Variants in SPON1 observed in about 807,000 individuals in gnomAD.
The protein encoded by SPON1 is spondin-1.
A neutral mutation model predicts 111.7 loss-of-function variants in SPON1; 52 were observed. That is an observed-to-expected ratio of 0.47 (90% CI 0.37 to 0.59). The LOEUF (loss-of-function observed/expected upper bound fraction) is 0.59. Ranked by LOEUF, SPON1 falls within the 20% of genes least tolerant of loss-of-function variation. The probability of loss-of-function intolerance (pLI) is 0.00; values close to 1 mark genes in which losing one functional copy is unlikely to be tolerated. For missense variants in SPON1, 957 were observed against 1,068.5 expected (o/e 0.90, Z 1.46); for synonymous variants, 410 against 395.8 (o/e 1.04, Z -0.43).
intron 1 of SPON1, among the ~76,000 whole-genome samples, chr11:13,976,669 T>G (rs1258991609): frequency 1.3e-5 from 2 of 152,200 alleles, no homozygotes; most frequent in African/African-American, 2.4e-5. Context: ...TATTTATCAT[T>G]CAGAAACATT....
At position 14,171,448 on chromosome 11, in the gene SPON1, G is replaced by C. The variant is rs1305924037; in HGVS notation, c.825+35880G>C. ...TGATCTTTTCAAAAAACCACCTCCTGGATTCATGGATTTTTTGAAGGGTTT... is the reference window on the plus strand; with the variant it reads ...TGATCTTTTCAAAAAACCACCTCCTCGATTCATGGATTTTTTGAAGGGTTT... On this transcript the variant is annotated intron_variant, in intron 6 of 15. Transcript: ENST00000576479. 3.3e-5 allele frequency among the ~76,000 whole-genome samples: 5 copies of C among 152,200 alleles called. No homozygotes were observed. In the East Asian group the frequency reaches 9.6e-4, roughly 29 times the overall value.
At chr11:14,222,617 TTGAG>T (rs782801323) in intron 6 of SPON1, among the ~76,000 whole-genome samples, 1 of 152,148 alleles carries the variant, frequency 6.6e-6, no homozygotes, top group Non-Finnish European at 1.5e-5. Flanking sequence ...TTGATACCAA[TTGAG>T]TGACTTGAAT....
intron 6 of SPON1, among the ~76,000 whole-genome samples, chr11:14,160,991 ATT>A (rs370894554): frequency 2.2e-3 from 106 of 47,740 alleles, no homozygotes; most frequent in African/African-American, 2.9e-3. Flanking sequence ...ATTTATATAT[ATT>A]TTTATATATT....
chr11:14,097,040 T>C (rs1278761001), intron 5 of SPON1, among the ~76,000 whole-genome samples: 1 of 152,184 alleles, frequency 6.6e-6, no homozygotes, highest in African/African-American at 2.4e-5. Context: ...CCCACTCAAA[T>C]GCTGCTTCCT....
chr11:14,039,219 G>C (rs1165675478), intron 2 of SPON1, among the ~76,000 whole-genome samples: 1 of 152,118 alleles, frequency 6.6e-6, no homozygotes, highest in Non-Finnish European at 1.5e-5. Flanking sequence ...AGGATTTCTG[G>C]GCCAGTGAAA....
At chr11:14,109,799 A>C (rs200285142) in intron 5 of SPON1, among the ~76,000 whole-genome samples, 30 of 74,282 alleles carry the variant, frequency 4.0e-4, no homozygotes, top group Middle Eastern at 6.8e-3. Flanking sequence ...CCTGGAAGGG[A>C]TTTAGAAGGG....
intron 6 of SPON1, among the ~76,000 whole-genome samples, chr11:14,154,120 G>T (rs2133869710): frequency 6.6e-6 from 1 of 152,274 alleles, no homozygotes; most frequent in Admixed American, 6.5e-5. Context: ...CAGGCACATG[G>T]TGCAAGCTGT....
chr11:14,163,841 TC>T (rs1172029264), intron 6 of SPON1, among the ~76,000 whole-genome samples: 22 of 151,384 alleles, frequency 1.5e-4, no homozygotes, highest in Admixed American at 1.3e-3. Flanking sequence ...TCCAATTCCC[TC>T]CCCCGCTTTA....
intron 2 of SPON1, among the ~76,000 whole-genome samples, chr11:13,997,172 G>A (rs782732393): frequency 3.1e-4 from 47 of 152,178 alleles, no homozygotes; most frequent in Middle Eastern, 3.2e-3. Flanking sequence ...GGAGGCAGCC[G>A]TTTGGGTTTT....
intron 3 of SPON1, among the ~76,000 whole-genome samples, chr11:14,045,028 G>C (rs186539660): frequency 7.9e-5 from 12 of 152,162 alleles, no homozygotes; most frequent in Non-Finnish European, 1.0e-4. Flanking sequence ...AAATTTCCAA[G>C]TTTTTATCCA....
chr11:14,109,139 T>C (rs774126273), intron 5 of SPON1, among the ~76,000 whole-genome samples: 19 of 152,282 alleles, frequency 1.2e-4, no homozygotes, highest in Non-Finnish European at 1.9e-4. Flanking sequence ...TTAAACACTC[T>C]TTACAACTCT....
chr11:13,967,562 G>T (rs1235685978), intron 1 of SPON1, among the ~76,000 whole-genome samples: 12 of 149,374 alleles, frequency 8.0e-5, no homozygotes, highest in Non-Finnish European at 1.6e-4. Context: ...AGAAAAAACA[G>T]ATTTGACTGT....
chr11:14,160,444 T>TAC (rs1554930846), intron 6 of SPON1, among the ~76,000 whole-genome samples: 1 of 11,964 alleles, frequency 8.4e-5, no homozygotes, highest in Non-Finnish European at 1.2e-4. Flanking sequence ...TATATATATT[T>TAC]ATATATATAT....
intron 7 of SPON1, among the ~76,000 whole-genome samples, chr11:14,248,822 A>G (rs1485624502): frequency 1.3e-5 from 2 of 152,168 alleles, no homozygotes; most frequent in Non-Finnish European, 2.9e-5. Flanking sequence ...CTTTATCCCC[A>G]GGACCACTTC....
chr11:14,103,972 C>T (rs775365578), intron 5 of SPON1, among the ~76,000 whole-genome samples: 62 of 152,206 alleles, frequency 4.1e-4, no homozygotes, highest in Non-Finnish European at 7.1e-4. Flanking sequence ...ACCTTATAGA[C>T]ATAATATCAT....
intron 2 of SPON1, among the ~76,000 whole-genome samples, chr11:14,028,082 A>G (rs1848532160): frequency 6.6e-6 from 1 of 152,234 alleles, no homozygotes; most frequent in African/African-American, 2.4e-5. Context: ...GGATATTAAT[A>G]CAGACCCCCT....
intron 5 of SPON1, among the ~76,000 whole-genome samples, chr11:14,098,096 C>T (rs1328381919): frequency 6.6e-6 from 1 of 152,188 alleles, no homozygotes; most frequent in Non-Finnish European, 1.5e-5. Flanking sequence ...CCCGGGTTCA[C>T]ACCATTCTCC....
At chr11:14,089,660 C>T (rs782581043) in intron 5 of SPON1, among the ~76,000 whole-genome samples, 5 of 152,198 alleles carry the variant, frequency 3.3e-5, no homozygotes, top group Non-Finnish European at 7.3e-5. Flanking sequence ...AGCTCGAGCT[C>T]TGTGCTGGTA....
chr11:14,080,321 C>T (rs1028637311), intron 5 of SPON1, among the ~76,000 whole-genome samples: 6 of 151,932 alleles, frequency 3.9e-5, no homozygotes, highest in Admixed American at 6.6e-5. Context: ...CTCCGCCTCC[C>T]GGGTTCAAGC....
Sources: allele counts gnomAD v4.1 joint callset (sites outside exome capture counted in the v4.1 genomes callset), GRCh38; gene constraint gnomAD v4.1.1; transcripts MANE v1.5; gene names NCBI Gene and HGNC (gene_info 2026-07-23, HGNC 2026-07-21).